LHFPL3: variants seen among roughly 807,000 people sequenced by gnomAD.
The protein encoded by LHFPL3 is LHFPL tetraspan subfamily member 3 protein.
In LHFPL3, 5 loss-of-function variants were observed where a neutral mutation model predicts 19.3. The ratio of observed to expected loss-of-function variants is 0.26; its 90% CI spans 0.14 to 0.54. LHFPL3 has a LOEUF of 0.54. Among genes scored for constraint, LHFPL3 ranks in the 20% least tolerant of loss-of-function variants. LHFPL3 has a pLI of 0.94. For synonymous variants in LHFPL3, 133 were observed against 126.2 expected (o/e 1.05, Z -0.36); for missense variants, 249 against 307.4 (o/e 0.81, Z 1.42).
intron 1 of LHFPL3, chr7:104,669,044 G>T (rs923479405): frequency 6.2e-7 from 1 of 1,612,094 alleles, no homozygotes; most frequent in African/African-American, 1.3e-5. Context: ...ACATCTGGCA[G>T]AAATGCATGA....
At chr7:104,372,001 G>A (rs1194563221) in intron 1 of LHFPL3, among the ~76,000 whole-genome samples, 1 of 152,224 alleles carries the variant, frequency 6.6e-6, no homozygotes. Context: ...CAGTTAATTA[G>A]TATTTCGTTT....
At chr7:104,518,650 G>A (rs1033002369) in intron 1 of LHFPL3, among the ~76,000 whole-genome samples, 1 of 152,168 alleles carries the variant, frequency 6.6e-6, no homozygotes, top group African/African-American at 2.4e-5. Context: ...CAGGCATAGT[G>A]GCAGGCACCT....
chr7:104,512,891 T>C (rs968440647), intron 1 of LHFPL3, among the ~76,000 whole-genome samples: 1 of 152,176 alleles, frequency 6.6e-6, no homozygotes, highest in African/African-American at 2.4e-5. Context: ...AAATTGGCGA[T>C]GAGGCAGCTC....
At chr7:104,641,748 T>G (rs1366399735) in intron 1 of LHFPL3, among the ~76,000 whole-genome samples, 2 of 152,196 alleles carry the variant, frequency 1.3e-5, no homozygotes, top group Non-Finnish European at 2.9e-5. Context: ...AAGTCCCCAG[T>G]TAAAATGTTC....
intron 2 of LHFPL3, among the ~76,000 whole-genome samples, chr7:104,780,009 G>A (rs1014823902): frequency 6.6e-6 from 1 of 152,152 alleles, no homozygotes; most frequent in Non-Finnish European, 1.5e-5. Flanking sequence ...TGTGACCAGA[G>A]AGACAATCAT....
chr7:104,758,318 T>G (rs776166586), intron 2 of LHFPL3, among the ~76,000 whole-genome samples: 4 of 152,132 alleles, frequency 2.6e-5, no homozygotes, highest in Non-Finnish European at 5.9e-5. Flanking sequence ...AATATACCCA[T>G]GTAACAAACC....
In LHFPL3 at chr7:104,769,397, T is replaced by C. The variant is rs184444386; in HGVS notation, c.682+32486T>C. ...ATTGTTAAAGAAAGTATACATCTAT[T>C]AAGTTGAACCAGAGAAAATTGCCAA... On this transcript the variant is annotated intron_variant, in intron 2 of 2. Transcript: ENST00000424859. Among the ~76,000 whole-genome samples the C allele has an allele frequency of 2.5e-4, 38 of 152,312 alleles. 1 individual carries two copies. Among genetic ancestry groups the C allele is most frequent in the African/African-American group, 7.2e-4 (30 of 41,562 alleles).
At chr7:104,446,010 G>T (rs1402980122) in intron 1 of LHFPL3, among the ~76,000 whole-genome samples, 1 of 152,172 alleles carries the variant, frequency 6.6e-6, no homozygotes, top group East Asian at 1.9e-4. Flanking sequence ...CGACAGGAAG[G>T]TTTATTAGTT....
Position 104,540,865 on chromosome 7 carries a change from C to T in LHFPL3, c.446-195810C>T, listed in dbSNP as rs116028539. Among the ~76,000 whole-genome samples the T allele has an allele frequency of 5.3e-3, 808 of 152,228 alleles. 7 individuals carry two copies. Among genetic ancestry groups the T allele is most frequent in the African/African-American group, 0.019 (775 of 41,536 alleles). ...ACTTATTGATTATTCTACTTCTGTC[C>T]ATCCCCACTTCCACTACTTTAGCTC... On this transcript the variant is annotated intron_variant, in intron 1 of 2. Transcript: ENST00000424859.
chr7:104,420,734 A>AT (rs1208736593), intron 1 of LHFPL3, among the ~76,000 whole-genome samples: 46 of 149,976 alleles, frequency 3.1e-4, no homozygotes, highest in East Asian at 5.9e-4. Flanking sequence ...TAATTTTTGT[A>AT]TTTTTTTTTA....
In LHFPL3 at chr7:104,511,088, A is replaced by T. The variant is rs537006332; in HGVS notation, c.445+181864A>T. Reference sequence around the variant, plus strand: ...AAAGAAAGAAAGAAAAAGGACTAGTATCTAGAATATATAAAGAACTCTCAA... The same window carrying T: ...AAAGAAAGAAAGAAAAAGGACTAGTTTCTAGAATATATAAAGAACTCTCAA... On this transcript the variant is annotated intron_variant, in intron 1 of 2. Coordinates refer to ENST00000424859, the MANE Select transcript of LHFPL3 (RefSeq NM_199000.3). Among the ~76,000 whole-genome samples the T allele has an allele frequency of 5.9e-5, 9 of 152,292 alleles. No homozygotes were observed. In the South Asian group the frequency reaches 6.2e-4, roughly 11 times the overall value.
chr7:104,359,119 C>A lies in LHFPL3; in HGVS notation c.445+29895C>A, dbSNP rs546295477. On this transcript the variant is annotated intron_variant, in intron 1 of 2. Coordinates refer to ENST00000424859, the MANE Select transcript of LHFPL3 (RefSeq NM_199000.3). Reference sequence around the variant, plus strand: ...CACAAAGAGGGCCAGCCTGAGAATACCCTTCTATTTACGCCTATGCTTCTT... The same window carrying A: ...CACAAAGAGGGCCAGCCTGAGAATAACCTTCTATTTACGCCTATGCTTCTT... Among the ~76,000 whole-genome samples the A allele has an allele frequency of 2.0e-5, 3 of 152,300 alleles. 1 individual carries two copies. Among genetic ancestry groups the A allele is most frequent in the African/African-American group, 7.2e-5 (3 of 41,566 alleles).
At chr7:104,687,836 T>C (rs988879860) in intron 1 of LHFPL3, among the ~76,000 whole-genome samples, 19 of 152,192 alleles carry the variant, frequency 1.2e-4, no homozygotes, top group Non-Finnish European at 2.5e-4. Flanking sequence ...AATGAGAATC[T>C]TATATTTCCT....
chr7:104,442,082 A>G (rs1033418480), intron 1 of LHFPL3, among the ~76,000 whole-genome samples: 1 of 151,812 alleles, frequency 6.6e-6, no homozygotes, highest in Admixed American at 6.6e-5. Flanking sequence ...TTTTTTCAGA[A>G]TAGCCATTCT....
rs533510425 is a variant in LHFPL3 at position 104,597,760 on chromosome 7, C to T, written c.446-138915C>T. On this transcript the variant is annotated intron_variant, in intron 1 of 2. Transcript: ENST00000424859. ...GCTTCTGCTAACATTACTCCCTTTG[C>T]TTATATGTGAGGGAACTTCAAAAAG... 2.2e-4 allele frequency among the ~76,000 whole-genome samples: 34 copies of T among 152,282 alleles called. No individual in the cohort carries two copies. In the South Asian group the frequency reaches 7.0e-3, roughly 32 times the overall value.
At chr7:104,901,940 C>G (rs751809046) in intron 2 of LHFPL3, among the ~76,000 whole-genome samples, 9 of 152,114 alleles carry the variant, frequency 5.9e-5, no homozygotes, top group Non-Finnish European at 2.9e-5. Context: ...ATTTTATACC[C>G]TAGACACTCA....
intron 1 of LHFPL3, among the ~76,000 whole-genome samples, chr7:104,352,773 T>G (rs1166783217): frequency 6.6e-6 from 1 of 152,230 alleles, no homozygotes; most frequent in Non-Finnish European, 1.5e-5. Context: ...TGGAGGACAG[T>G]TCACGTGACC....
chr7:104,812,197 C>T (rs1211980649), intron 2 of LHFPL3, among the ~76,000 whole-genome samples: 1 of 152,216 alleles, frequency 6.6e-6, no homozygotes, highest in Non-Finnish European at 1.5e-5. Context: ...TCCATCTGAA[C>T]TTCAATTCAG....
At chr7:104,873,460 A>T (rs1384313029) in intron 2 of LHFPL3, among the ~76,000 whole-genome samples, 1 of 152,178 alleles carries the variant, frequency 6.6e-6, no homozygotes, top group Non-Finnish European at 1.5e-5. Flanking sequence ...CATCTCTACA[A>T]AAATAAAAAA....
Sources: gnomAD v4.1 joint callset for allele counts (sites outside exome capture counted in the v4.1 genomes callset) on GRCh38, gnomAD v4.1.1 for gene constraint, MANE v1.5 for transcripts, NCBI Gene and HGNC (gene_info 2026-07-23, HGNC 2026-07-21) for gene names.